The following CHRNA1 variants were observed in gnomAD, a reference collection of about 807,000 sequenced individuals.
The protein encoded by CHRNA1 is cholinergic receptor nicotinic alpha 1 subunit.
CHRNA1 carries 35 observed loss-of-function variants against 47.1 expected under a neutral mutation model. The ratio of observed to expected loss-of-function variants is 0.74; its 90% CI spans 0.57 to 0.99. The LOEUF is 0.99. Ranked by LOEUF, CHRNA1 falls within the 50% of genes least tolerant of loss-of-function variation. The pLI, the probability that CHRNA1 is intolerant of heterozygous loss-of-function variation, is 0.00. For synonymous variants in CHRNA1, 229 were observed against 223.6 expected (o/e 1.02, Z -0.22); for missense variants, 506 against 591.1 (o/e 0.86, Z 1.49).
At chr2:174,759,778 A>G in intron 1 of CHRNA1, 145 bp from the exon 2 acceptor site, 1 of 1,063,648 alleles carries the variant, frequency 9.4e-7, no homozygotes, top group South Asian at 1.4e-5. Flanking sequence ...AGGCTCCCAA[A>G]TGCAGCAGTT....
At chr2:174,753,118 T>A in intron 6 of CHRNA1, 1 of 471,264 alleles carries the variant, frequency 2.1e-6, no homozygotes. Flanking sequence ...CCAGGATTAG[T>A]CAGTACATAG....
At chr2:174,759,274 A>T in intron 3 of CHRNA1, 57 bp downstream of exon 3, 1 of 1,560,790 alleles carries the variant, frequency 6.4e-7, no homozygotes. Context: ...CTCTGGGCCC[A>T]GGTTTAATTT....
chr2:174,762,132 C>G (rs781462986), intron 1 of CHRNA1, among the ~76,000 whole-genome samples: 1 of 152,112 alleles, frequency 6.6e-6, no homozygotes, highest in Non-Finnish European at 1.5e-5. Context: ...TAACAAGGTG[C>G]CTGTTCCTTC....
At chr2:174,761,808 A>G (rs1684106251) in intron 1 of CHRNA1, among the ~76,000 whole-genome samples, 1 of 152,072 alleles carries the variant, frequency 6.6e-6, no homozygotes, top group Admixed American at 6.5e-5. Flanking sequence ...TCCTCTATGC[A>G]TTTTCTATCC....
chr2:174,761,980 G>T (rs555227153), intron 1 of CHRNA1, among the ~76,000 whole-genome samples: 1 of 152,178 alleles, frequency 6.6e-6, no homozygotes, highest in Non-Finnish European at 1.5e-5. Flanking sequence ...AAAGCAGAGG[G>T]CAGAGCAGAT....
chr2:174,752,012 G>A lies in CHRNA1; in HGVS notation c.778+1491C>T, dbSNP rs117239279. Among the ~76,000 whole-genome samples the A allele has an allele frequency of 5.3e-5, 8 of 152,022 alleles. No individual in the cohort carries two copies. The East Asian group carries it at 7.8e-4, about 15-fold the overall frequency. On this transcript the variant is annotated intron_variant, in intron 6 of 8. Transcript: ENST00000348749. ...ACTTTTCAAGCACAAATCATTTAAC[G>A]TTTATAGAGACTCTTGTTAGTTCCC...
At position 174,748,035 on chromosome 2, in the gene CHRNA1, C is replaced by G; in HGVS notation, c.*89G>C. On this transcript the variant is annotated 3_prime_UTR_variant, in exon 9 of 9. Transcript: ENST00000348749. ...TGGAATATAACACGTTTGATAAGTGCGAGTGGAGCAAGTAGACAAATCTTC... is the reference window on the plus strand; with the variant it reads ...TGGAATATAACACGTTTGATAAGTGGGAGTGGAGCAAGTAGACAAATCTTC... 3 of 1,504,910 alleles carry G rather than the reference C, an allele frequency of 2.0e-6. No homozygotes were observed. Among genetic ancestry groups the G allele is most frequent in the Non-Finnish European group, 2.8e-6 (3 of 1,089,258 alleles). 93.2% of individuals were successfully genotyped at this position (1,504,910 alleles called of 1,614,324 possible). A position where few individuals can be genotyped will look rare whatever the true frequency, so the allele number is the denominator to read the frequency against.
At chr2:174,754,184 T>C (rs1215393819) in intron 5 of CHRNA1, 35 bp downstream of exon 5, 30 of 1,608,264 alleles carry the variant, frequency 1.9e-5, no homozygotes, top group African/African-American at 5.3e-5. Flanking sequence ...ACAATTTTCC[T>C]GAAACCACCC....
chr2:174,759,793 C>T (rs745942125), intron 1 of CHRNA1, among the ~76,000 whole-genome samples, 160 bp from the exon 2 acceptor site: 6 of 152,074 alleles, frequency 3.9e-5, no homozygotes, highest in African/African-American at 1.4e-4. Context: ...GCAGTTATTG[C>T]CTTGTGTTTT....
At chr2:174,754,794 T>C (rs1047634792) in intron 4 of CHRNA1, among the ~76,000 whole-genome samples, 9 of 151,912 alleles carry the variant, frequency 5.9e-5, no homozygotes, top group African/African-American at 2.2e-4. Context: ...ATGTACTATG[T>C]TGGGGAAAAA....
chr2:174,751,805 A>G (rs772155688), intron 6 of CHRNA1, among the ~76,000 whole-genome samples: 1 of 151,770 alleles, frequency 6.6e-6, no homozygotes, highest in Non-Finnish European at 1.5e-5. Flanking sequence ...CAGCCTCCCA[A>G]GTAATTGGGA....
chr2:174,753,673 C>A lies in CHRNA1; in HGVS notation c.608G>T (p.Gly203Val). The change falls in exon 6 of 9, where the codon GGC becomes GTC. Residue 203 changes from glycine (G) to valine (V), a missense_variant. Transcript: ENST00000348749. ...SGEWVIKESR[G>V]WKHSVTYSCC... ...GGAATAGGTCACGGAGTGCTTCCAG[C>A]CCCGGGACTCCTTGATCACCCACTC... The A allele has an allele frequency of 6.2e-7, 1 of 1,614,098 alleles. No individual in the cohort carries two copies. The highest frequency in any genetic ancestry group is 8.5e-7 in the Non-Finnish European group (1 of 1,180,018).
rs1470088603 is a variant in CHRNA1 at position 174,748,127 on chromosome 2, T to A, written c.1371A>T (p.Gly457=). ...AGRLIELNQQ[G] is the part of the protein sequence containing the mutation. ...CTAAGCTCAGCTCATTTTCTGCTCATCCTTGCTGATTTAATTCAATGAGTC... is the reference window on the plus strand; with the variant it reads ...CTAAGCTCAGCTCATTTTCTGCTCAACCTTGCTGATTTAATTCAATGAGTC... The change falls in exon 9 of 9, where the codon GGA becomes GGT. Residue 457 remains glycine, a synonymous_variant. Coordinates refer to ENST00000348749, the MANE Select transcript of CHRNA1 (RefSeq NM_000079.4). 3 of 1,614,100 alleles carry A rather than the reference T, an allele frequency of 1.9e-6. No homozygotes were observed. The highest frequency in any genetic ancestry group is 2.2e-5 in the East Asian group (1 of 44,882).
intron 4 of CHRNA1, among the ~76,000 whole-genome samples, chr2:174,755,178 C>T (rs949200115): frequency 6.6e-6 from 1 of 152,240 alleles, no homozygotes; most frequent in South Asian, 2.1e-4. Flanking sequence ...AGCCACCGTG[C>T]CTGACTGGCC....
intron 7 of CHRNA1, among the ~76,000 whole-genome samples, chr2:174,749,300 A>T (rs1683799943): frequency 6.6e-6 from 1 of 151,934 alleles, no homozygotes; most frequent in Non-Finnish European, 1.5e-5. Context: ...TTACAGAAAC[A>T]GGGACTCTTA....
At chr2:174,748,471 A>G in intron 8 of CHRNA1, 109 bp downstream of exon 8, 1 of 1,474,332 alleles carries the variant, frequency 6.8e-7, no homozygotes. Flanking sequence ...ATCTTAGGTC[A>G]GTAGCTGCCT....
chr2:174,762,896 A>G (rs1684123835), intron 1 of CHRNA1, among the ~76,000 whole-genome samples: 2 of 152,196 alleles, frequency 1.3e-5, no homozygotes, highest in Non-Finnish European at 2.9e-5. Flanking sequence ...GAAATTTTGA[A>G]CTGTTACTAG....
At chr2:174,761,610 C>T (rs759221123) in intron 1 of CHRNA1, among the ~76,000 whole-genome samples, 6 of 152,176 alleles carry the variant, frequency 3.9e-5, no homozygotes, top group East Asian at 1.9e-4. Context: ...CCACCTCACC[C>T]GGCTAGTTTC....
Position 174,747,818 on chromosome 2 carries a change from C to CAGAAAACCTCGGTTATCCTGGCAAA in CHRNA1, c.*281_*305dup, listed in dbSNP as rs1316794313. 2.2e-5 allele frequency: 8 copies of CAGAAAACCTCGGTTATCCTGGCAAA among 362,086 alleles called. No homozygotes were observed. The highest frequency in any genetic ancestry group is 1.2e-4 in the Admixed American group (3 of 25,692). The allele number at this position is 362,086 out of a possible 1,614,324, so 22.4% of individuals were successfully genotyped here. A position where few individuals can be genotyped will look rare whatever the true frequency, so the allele number is the denominator to read the frequency against. On this transcript the variant is annotated 3_prime_UTR_variant, in exon 9 of 9. Transcript: ENST00000348749. The stretch of plus-strand genomic sequence containing the variant: ...AAATATAACAGCAATGACAATGCAA[C>CAGAAAACCTCGGTTATCCTGGCAAA]AGAAAACCTCGGTTATCCTGGCAAA...
Sources: allele counts gnomAD v4.1 joint callset (sites outside exome capture counted in the v4.1 genomes callset), GRCh38; gene constraint gnomAD v4.1.1; transcripts MANE v1.5; gene names NCBI Gene and HGNC (gene_info 2026-07-23, HGNC 2026-07-21).